SCARA3: variants seen among roughly 807,000 people sequenced by gnomAD.
SCARA3 encodes the protein cellular stress response gene protein.
Under a neutral mutation model 47.0 loss-of-function variants are expected in SCARA3, and 39 were observed. The observed-to-expected ratio is 0.83, with a 90% CI of 0.64 to 1.08. The LOEUF is 1.08. Among genes scored for constraint, SCARA3 ranks in the 50% least tolerant of loss-of-function variants. The pLI, the probability that SCARA3 is intolerant of heterozygous loss-of-function variation, is 0.00. For missense variants in SCARA3, 724 were observed against 792.3 expected (o/e 0.91, Z 1.04); for synonymous variants, 356 against 334.1 (o/e 1.07, Z -0.71).
chr8:27,652,920 G>A (rs901103741), intron 3 of SCARA3, among the ~76,000 whole-genome samples: 1 of 152,164 alleles, frequency 6.6e-6, no homozygotes, highest in South Asian at 2.1e-4. Flanking sequence ...CCCTTCAGGG[G>A]ATTCCAGTCC....
At chr8:27,660,807 T>G in intron 5 of SCARA3, among the ~76,000 whole-genome samples, 1 of 148,858 alleles carries the variant, frequency 6.7e-6, no homozygotes, top group African/African-American at 2.5e-5. Context: ...ATGAGATAGA[T>G]AGAAAATAGA....
downstream of SCARA3, among the ~76,000 whole-genome samples, chr8:27,678,193 A>T (rs1431667041): frequency 6.6e-6 from 1 of 152,210 alleles, no homozygotes; most frequent in South Asian, 2.1e-4. Flanking sequence ...TACAATAAAG[A>T]TAAGAATTTA....
chr8:27,715,201 C>T, the SCARA3 span, among the ~76,000 whole-genome samples: 3 of 152,322 alleles, frequency 2.0e-5, no homozygotes, highest in African/African-American at 7.2e-5. The surrounding 1 kb of genome is among the most constrained non-coding windows in gnomAD (Gnocchi z 4.2). Flanking sequence ...GTTGGGATTA[C>T]AGGCATCAGC....
the SCARA3 span, among the ~76,000 whole-genome samples, chr8:27,698,826 AG>A: frequency 6.6e-6 from 1 of 152,190 alleles, no homozygotes; most frequent in Non-Finnish European, 1.5e-5. Context: ...TATAGTAAAA[AG>A]TACAGAATAT....
At chr8:27,652,834 A>T (rs1257892102) in intron 3 of SCARA3, among the ~76,000 whole-genome samples, 3 of 152,200 alleles carry the variant, frequency 2.0e-5, no homozygotes, top group African/African-American at 7.2e-5. Flanking sequence ...CTAGTGCCAG[A>T]GTACCCCCTC....
At chr8:27,670,326 G>A (rs1802116606) in intron 5 of SCARA3, among the ~76,000 whole-genome samples, 1 of 152,190 alleles carries the variant, frequency 6.6e-6, no homozygotes, top group Admixed American at 6.5e-5. Context: ...CTCTTTGTAT[G>A]TGTCAATGAA....
Position 27,633,962 on chromosome 8 carries a change from G to T in SCARA3, c.-239G>T. The T allele has an allele frequency of 1.0e-5, 2 of 193,912 alleles. No individual in the cohort carries two copies. The highest frequency in any genetic ancestry group is 1.7e-4 in the South Asian group (1 of 6,036). 12.0% of individuals were successfully genotyped at this position (193,912 alleles called of 1,614,324 possible). A position where few individuals can be genotyped will look rare whatever the true frequency, so the allele number is the denominator to read the frequency against. The stretch of plus-strand genomic sequence containing the variant: ...CGGCGGGATGCGCGCTCTGGGCGGC[G>T]GGGCGCGGCGCTAGGCGCCCGGCGG... On this transcript the variant is annotated 5_prime_UTR_variant, in exon 1 of 6. Coordinates refer to ENST00000301904, the MANE Select transcript of SCARA3 (RefSeq NM_016240.3).
Position 27,672,846 on chromosome 8 carries a change from A to G in SCARA3, c.*1495A>G, listed in dbSNP as rs913844490. The G allele has an allele frequency of 7.1e-6, 7 of 985,476 alleles. No homozygotes were observed. Among genetic ancestry groups the G allele is most frequent in the Middle Eastern group, 5.2e-4 (1 of 1,938 alleles). The allele number at this position is 985,476 out of a possible 1,614,324, so 61.0% of individuals were successfully genotyped here. ...GGCATAGAGTTGTCTCCTTCCCAAC[A>G]CGGACCCAGAGAGCAGCCCTTCCCT... is the stretch of plus-strand genomic sequence containing the variant. On this transcript the variant is annotated 3_prime_UTR_variant, in exon 6 of 6. Transcript: ENST00000301904.
At chr8:27,698,887 GTATC>G in the SCARA3 span, among the ~76,000 whole-genome samples, 6 of 151,636 alleles carry the variant, frequency 4.0e-5, no homozygotes, top group African/African-American at 1.5e-4. Context: ...ATATATAGTG[GTATC>G]TATCTATCTG....
At chr8:27,707,509 A>G in the SCARA3 span, among the ~76,000 whole-genome samples, 2 of 151,926 alleles carry the variant, frequency 1.3e-5, no homozygotes, top group Non-Finnish European at 2.9e-5. Flanking sequence ...GAAAGGCCAG[A>G]ATATGTTCTT....
At chr8:27,654,784 T>G in intron 3 of SCARA3, among the ~76,000 whole-genome samples, 1 of 120,978 alleles carries the variant, frequency 8.3e-6, no homozygotes, top group Non-Finnish European at 1.7e-5. Flanking sequence ...AGCAAGACTG[T>G]CTCACAAAAA....
rs1801194766 is a variant in SCARA3, at chr8:27,634,127, C to T, written c.-74C>T. The T allele has an allele frequency of 1.4e-6, 2 of 1,399,846 alleles. No homozygotes were observed. The highest frequency in any genetic ancestry group is 2.7e-5 in the Admixed American group (1 of 37,066). The allele number at this position is 1,399,846 out of a possible 1,614,324, so 86.7% of individuals were successfully genotyped here. On this transcript the variant is annotated 5_prime_UTR_variant, in exon 1 of 6. Transcript: ENST00000301904. ...ACGGCGATCCGCGCCCTGGAGGATC[C>T]GCCGGCCGCCCGGCTCCACTACAGC...
intron 5 of SCARA3, among the ~76,000 whole-genome samples, chr8:27,667,741 C>T (rs1402440155): frequency 6.6e-6 from 1 of 152,232 alleles, no homozygotes; most frequent in Non-Finnish European, 1.5e-5. Flanking sequence ...ATGGAGCAGG[C>T]AGAGAGTGAG....
the SCARA3 span, among the ~76,000 whole-genome samples, chr8:27,700,456 A>C: frequency 6.6e-6 from 1 of 152,072 alleles, no homozygotes; most frequent in Non-Finnish European, 1.5e-5. Context: ...AAAATACAAA[A>C]ATTAGCTGGG....
intron 1 of SCARA3, among the ~76,000 whole-genome samples, chr8:27,638,313 A>AG (rs1563398898): frequency 4.7e-5 from 2 of 42,814 alleles, no homozygotes; most frequent in African/African-American, 5.9e-5. Flanking sequence ...TAATTTAGTG[A>AG]TTGTGTGTGT....
chr8:27,685,332 A>C, the SCARA3 span, among the ~76,000 whole-genome samples: 105,264 of 152,048 alleles, frequency 0.69, 36,850 homozygotes, highest in Middle Eastern at 0.77. Flanking sequence ...AAGGAAAGCA[A>C]CAGGTCCACA....
intron 1 of SCARA3, among the ~76,000 whole-genome samples, chr8:27,645,112 T>G (rs1801465020): frequency 6.6e-6 from 1 of 152,262 alleles, no homozygotes; most frequent in Non-Finnish European, 1.5e-5. Context: ...CAAAATTTTA[T>G]AAATTTCGAA....
chr8:27,640,479 G>T (rs144112305), intron 1 of SCARA3, among the ~76,000 whole-genome samples: 1 of 151,912 alleles, frequency 6.6e-6, no homozygotes. Flanking sequence ...TTGACCTCCT[G>T]GGCTCAAGGA....
At chr8:27,675,378 G>A (rs142554660), downstream of SCARA3, among the ~76,000 whole-genome samples, 2 of 152,388 alleles carry the variant, frequency 1.3e-5, no homozygotes, top group Non-Finnish European at 2.9e-5. Context: ...TGTGGGTGGT[G>A]TGCTGAGCAG....
Sources: allele counts gnomAD v4.1 joint callset (sites outside exome capture counted in the v4.1 genomes callset), GRCh38; gene constraint gnomAD v4.1.1; non-coding constraint Gnocchi (gnomAD v3.1); transcripts MANE v1.5; gene names NCBI Gene and HGNC (gene_info 2026-07-23, HGNC 2026-07-21).